Variants in PCDHGA1 observed in about 807,000 individuals in gnomAD.
PCDHGA1 encodes the protein protocadherin gamma-A1.
In PCDHGA1, 32 loss-of-function variants were observed where a neutral mutation model predicts 58.0. The ratio of observed to expected loss-of-function variants is 0.55; its 90% CI spans 0.42 to 0.74. The LOEUF (loss-of-function observed/expected upper bound fraction) is 0.74. PCDHGA1 is among the 30% of genes least tolerant of loss of function. PCDHGA1 has a pLI of 0.00. For synonymous variants in PCDHGA1, 498 were observed against 501.1 expected (o/e 0.99, Z 0.08); for missense variants, 1,205 against 1,182.3 (o/e 1.02, Z -0.28).
intron 1 of PCDHGA1, chr5:141,372,254 C>G: frequency 6.2e-7 from 1 of 1,613,086 alleles, no homozygotes; most frequent in Non-Finnish European, 8.5e-7. Context: ...TCAGCCTGGG[C>G]CTGCGCACGG....
At chr5:141,396,795 G>T (rs1022475514) in intron 1 of PCDHGA1, among the ~76,000 whole-genome samples, 1 of 152,180 alleles carries the variant, frequency 6.6e-6, no homozygotes, top group Admixed American at 6.5e-5. Context: ...ATTTCCTAAG[G>T]ATTGTGTAGT....
Position 141,477,809 on chromosome 5 carries a change from C to A in PCDHGA1, c.2422-16998C>A. 1 of 1,614,146 alleles carries A rather than the reference C, an allele frequency of 6.2e-7. No individual in the cohort carries two copies. Among genetic ancestry groups the A allele is most frequent in the Non-Finnish European group, 8.5e-7 (1 of 1,180,040 alleles). On this transcript the variant is annotated intron_variant, in intron 1 of 3. Coordinates refer to ENST00000517417, the MANE Select transcript of PCDHGA1 (RefSeq NM_018912.3). The surrounding 1 kb of genome is among the most constrained non-coding windows in gnomAD (Gnocchi z 4.9). ...TGTCACTGATCGCAATGACAATGCC[C>A]CCCAGGTCCTATATCCTCGGCCAGG...
In PCDHGA1 at chr5:141,381,798, C is replaced by CTCTTTCTTTCTTTCTT. The variant is rs372235829; in HGVS notation, c.2421+48702_2421+48717dup. On this transcript the variant is annotated intron_variant, in intron 1 of 3. Coordinates refer to ENST00000517417, the MANE Select transcript of PCDHGA1 (RefSeq NM_018912.3). Reference sequence around the variant, plus strand: ...ATCAGGAACAAGGCAAGGCAATTCCCTCTTTCTTTCTTTCTTTCTTTCTTC... The same window carrying CTCTTTCTTTCTTTCTT: ...ATCAGGAACAAGGCAAGGCAATTCCCTCTTTCTTTCTTTCTTTCTTTCTTTCTTTCTTTCTTTCTTC... Among the ~76,000 whole-genome samples, 49 of 144,164 alleles carry CTCTTTCTTTCTTTCTT rather than the reference C, an allele frequency of 3.4e-4. 1 individual carries two copies. The highest frequency in any genetic ancestry group is 1.3e-3 in the African/African-American group (47 of 37,522). The allele number at this position is 144,164 out of a possible 152,430, so 94.6% of individuals were successfully genotyped here. A position where few individuals can be genotyped will look rare whatever the true frequency, so the allele number is the denominator to read the frequency against.
chr5:141,428,188 G>A (rs1023078587), intron 1 of PCDHGA1: 3 of 1,433,350 alleles, frequency 2.1e-6, no homozygotes, highest in Admixed American at 1.8e-5. Flanking sequence ...GACAGCCGCC[G>A]CTCTCTGCGC....
intron 2 of PCDHGA1, among the ~76,000 whole-genome samples, chr5:141,505,092 G>A (rs965653546): frequency 5.9e-5 from 9 of 152,170 alleles, no homozygotes; most frequent in African/African-American, 2.2e-4. Flanking sequence ...AACCCAGGAG[G>A]TGGATGTTGC....
At chr5:141,394,744 T>C (rs755757019) in intron 1 of PCDHGA1, 1 of 1,613,408 alleles carries the variant, frequency 6.2e-7, no homozygotes, top group Non-Finnish European at 8.5e-7. Flanking sequence ...AGCCTCGTGG[T>C]GGCCGTCCAG....
intron 1 of PCDHGA1, chr5:141,478,693 G>A: frequency 6.4e-7 from 1 of 1,550,764 alleles, no homozygotes; most frequent in Non-Finnish European, 8.7e-7. Context: ...CTAGATCAAA[G>A]TTAGTGCCTT....
At position 141,489,077 on chromosome 5, in the gene PCDHGA1, C is replaced by T. The variant is rs957205894; in HGVS notation, c.2422-5730C>T. 7 of 325,682 alleles carry T rather than the reference C, an allele frequency of 2.1e-5. 1 individual carries two copies. Among genetic ancestry groups the T allele is most frequent in the South Asian group, 1.5e-4 (3 of 20,214 alleles). 20.2% of individuals were successfully genotyped at this position (325,682 alleles called of 1,614,324 possible). The stretch of plus-strand genomic sequence containing the variant: ...AGCTCCCCTCCCCCCTGCCCACCCC[C>T]GCCACTCGGTGACTAAGAACTGCTG... On this transcript the variant is annotated intron_variant, in intron 1 of 3. Transcript: ENST00000517417. This position sits in a 1 kb window ranked among gnomAD's most constrained non-coding sequence, Gnocchi z 4.5.
At chr5:141,475,684 T>C (rs2099367059) in intron 1 of PCDHGA1, among the ~76,000 whole-genome samples, 1 of 152,228 alleles carries the variant, frequency 6.6e-6, no homozygotes, top group African/African-American at 2.4e-5. Context: ...TTGATTTGGA[T>C]TGGAGACTTG....
At chr5:141,341,474 T>C in intron 1 of PCDHGA1, 2 of 1,580,426 alleles carry the variant, frequency 1.3e-6, no homozygotes, top group Non-Finnish European at 8.6e-7. Context: ...ATCTATTTTG[T>C]TCCCCATATT....
chr5:141,360,028 A>G (rs941098912), intron 1 of PCDHGA1: 3 of 1,360,158 alleles, frequency 2.2e-6, no homozygotes, highest in Non-Finnish European at 2.9e-6. Context: ...AGGCCAGTAT[A>G]GATTCGGAAA....
chr5:141,506,444 CAAAAAA>C (rs1219684339), intron 3 of PCDHGA1, among the ~76,000 whole-genome samples: 1 of 95,026 alleles, frequency 1.1e-5, no homozygotes, highest in African/African-American at 4.0e-5. Flanking sequence ...CGCTCTGTCT[CAAAAAA>C]AAAAAAAAAA....
intron 1 of PCDHGA1, chr5:141,357,456 C>T: frequency 6.2e-7 from 1 of 1,614,204 alleles, no homozygotes; most frequent in East Asian, 2.2e-5. Flanking sequence ...TCCTGCAGAC[C>T]TATTCCCACG....
chr5:141,506,435 G>A (rs1470687416), intron 3 of PCDHGA1, among the ~76,000 whole-genome samples: 7 of 126,234 alleles, frequency 5.5e-5, no homozygotes, highest in African/African-American at 2.0e-4. Context: ...CAACAGTCTC[G>A]CTCTGTCTCA....
intron 1 of PCDHGA1, among the ~76,000 whole-genome samples, chr5:141,435,770 C>G (rs1445835726): frequency 6.6e-6 from 1 of 152,070 alleles, no homozygotes; most frequent in Non-Finnish European, 1.5e-5. Context: ...TTGGTGAATT[C>G]TGTAAAGGTG....
At position 141,413,133 on chromosome 5, in the gene PCDHGA1, C is replaced by T. The variant is rs765215473; in HGVS notation, c.2421+80028C>T. The stretch of plus-strand genomic sequence containing the variant: ...CAAAGGAACCGGTTGAAACACACAA[C>T]GTGTCCAGTGAGGACTTTGCAGAAT... On this transcript the variant is annotated intron_variant, in intron 1 of 3. Transcript: ENST00000517417. 1.1e-5 allele frequency: 17 copies of T among 1,542,110 alleles called. No individual in the cohort carries two copies. In the East Asian group the frequency reaches 3.2e-4, roughly 29 times the overall value.
chr5:141,343,373 G>A lies in PCDHGA1; in HGVS notation c.2421+10268G>A, dbSNP rs72790005. 3,513 of 982,462 alleles carry A rather than the reference G, an allele frequency of 3.6e-3. 10 individuals are homozygous for A. Among genetic ancestry groups the A allele is most frequent in the South Asian group, 9.7e-3 (205 of 21,216 alleles). 60.9% of individuals were successfully genotyped at this position (982,462 alleles called of 1,614,324 possible). A position where few individuals can be genotyped will look rare whatever the true frequency, so the allele number is the denominator to read the frequency against. ...TTAGAGAGTTAAGAGTATAGAGAGG[G>A]AAAGGTCAAAGAGGAGGTGGATATC... On this transcript the variant is annotated intron_variant, in intron 1 of 3. Transcript: ENST00000517417.
chr5:141,394,395 C>G (rs1238779909), intron 1 of PCDHGA1: 2 of 1,614,146 alleles, frequency 1.2e-6, no homozygotes, highest in Non-Finnish European at 1.7e-6. Context: ...GATCCGAGAC[C>G]TGCAGCTACT....
intron 1 of PCDHGA1, chr5:141,355,462 G>A (rs1450885001): frequency 6.2e-7 from 1 of 1,614,088 alleles, no homozygotes; most frequent in Admixed American, 1.7e-5. Flanking sequence ...GGTCACCGCG[G>A]GTAGGATAGA....
Sources: allele counts gnomAD v4.1 joint callset (sites outside exome capture counted in the v4.1 genomes callset), GRCh38; gene constraint gnomAD v4.1.1; non-coding constraint Gnocchi (gnomAD v3.1); transcripts MANE v1.5; gene names NCBI Gene and HGNC (gene_info 2026-07-23, HGNC 2026-07-21).